Variants in STPG2 observed in about 807,000 individuals in gnomAD.
The protein encoded by STPG2 is sperm tail PG-rich repeat containing 2.
A neutral mutation model predicts 54.2 loss-of-function variants in STPG2; 56 were observed. The observed-to-expected ratio is 1.03, with a 90% CI of 0.83 to 1.29. STPG2 has a LOEUF of 1.29. Ranked by LOEUF, STPG2 falls within the 50% of genes most tolerant of loss-of-function variation. The probability of loss-of-function intolerance (pLI) is 0.00; values close to 1 mark genes in which losing one functional copy is unlikely to be tolerated. For synonymous variants in STPG2, 200 were observed against 181.8 expected, an observed-to-expected ratio of 1.10 and a Z score of -0.81; for missense variants, 596 against 544.9, an observed-to-expected ratio of 1.09 and a Z score of -0.93.
At chr4:97,883,670 G>A (rs1730460522) in intron 8 of STPG2, among the ~76,000 whole-genome samples, 1 of 152,014 alleles carries the variant, frequency 6.6e-6, no homozygotes, top group Admixed American at 6.6e-5. Flanking sequence ...AAGAATCACT[G>A]CATTAAAGAT....
At chr4:97,997,878 G>A (rs28512427) in intron 5 of STPG2, among the ~76,000 whole-genome samples, 61,417 of 151,870 alleles carry the variant, frequency 0.4, 12,632 homozygotes, top group African/African-American at 0.48. Flanking sequence ...CCTGTGAAAC[G>A]CAATTTACCT....
chr4:97,570,588 C>A (rs1732574798), intron 10 of STPG2, among the ~76,000 whole-genome samples: 1 of 151,886 alleles, frequency 6.6e-6, no homozygotes, highest in Non-Finnish European at 1.5e-5. Flanking sequence ...CCCCCACTCC[C>A]ACTGCTACCA....
intron 10 of STPG2, among the ~76,000 whole-genome samples, chr4:97,615,349 C>T (rs1037308318): frequency 1.3e-5 from 2 of 151,962 alleles, no homozygotes; most frequent in African/African-American, 4.8e-5. Flanking sequence ...TTGAAAACCC[C>T]TCATATGTAG....
At chr4:97,741,339 C>T (rs951546336) in intron 9 of STPG2, among the ~76,000 whole-genome samples, 2 of 152,068 alleles carry the variant, frequency 1.3e-5, no homozygotes, top group African/African-American at 2.4e-5. Context: ...AAAGCAATGG[C>T]AACAAAAGCC....
At chr4:98,123,159 A>AT (rs1213022069) in intron 3 of STPG2, among the ~76,000 whole-genome samples, 1 of 151,938 alleles carries the variant, frequency 6.6e-6, no homozygotes, top group Non-Finnish European at 1.5e-5. Flanking sequence ...GGGTTCATTG[A>AT]TTTTTTGAAG....
intron 8 of STPG2, among the ~76,000 whole-genome samples, chr4:97,853,903 T>C (rs2149133673): frequency 6.6e-6 from 1 of 152,302 alleles, no homozygotes; most frequent in Non-Finnish European, 1.5e-5. Flanking sequence ...CGCCTCAGCC[T>C]CCTGAGTAGC....
intron 10 of STPG2, among the ~76,000 whole-genome samples, chr4:97,636,133 C>G (rs1361101487): frequency 6.6e-6 from 1 of 150,662 alleles, no homozygotes; most frequent in Non-Finnish European, 1.5e-5. Context: ...GACATTATAA[C>G]AAACTATCTC....
intron 9 of STPG2, among the ~76,000 whole-genome samples, chr4:97,796,650 G>C (rs913947206): frequency 6.6e-6 from 1 of 152,120 alleles, no homozygotes; most frequent in Admixed American, 6.5e-5. Flanking sequence ...CTCCAGCTTT[G>C]TTCTTTTGGC....
chr4:97,482,311 T>C (rs1046624067), intron 4 of STPG2, among the ~76,000 whole-genome samples: 1 of 151,142 alleles, frequency 6.6e-6, no homozygotes, highest in African/African-American at 2.4e-5. Flanking sequence ...TAGCAAAAAA[T>C]GATACAAAAA....
At chr4:98,130,514 C>T (rs1415399755) in intron 2 of STPG2, among the ~76,000 whole-genome samples, 1 of 151,954 alleles carries the variant, frequency 6.6e-6, no homozygotes, top group African/African-American at 2.4e-5. Context: ...TTAAAGACAA[C>T]CATTAAGTAG....
chr4:97,622,575 G>A (rs1404607688), intron 10 of STPG2, among the ~76,000 whole-genome samples: 1 of 151,954 alleles, frequency 6.6e-6, no homozygotes, highest in Non-Finnish European at 1.5e-5. Flanking sequence ...TGAAAGATCA[G>A]TACAACAAGA....
At chr4:97,912,244 A>G (rs1398076847) in intron 8 of STPG2, among the ~76,000 whole-genome samples, 1 of 152,236 alleles carries the variant, frequency 6.6e-6, no homozygotes, top group Non-Finnish European at 1.5e-5. Flanking sequence ...TGAAAAGTCA[A>G]AAAACTACAG....
intron 10 of STPG2, among the ~76,000 whole-genome samples, chr4:97,653,359 T>C (rs1459110089): frequency 2.0e-5 from 3 of 151,422 alleles, no homozygotes; most frequent in Non-Finnish European, 4.4e-5. Flanking sequence ...CAATGAACAG[T>C]AGTGGAACAA....
At chr4:97,892,523 A>C (rs990567433) in intron 8 of STPG2, among the ~76,000 whole-genome samples, 1 of 152,172 alleles carries the variant, frequency 6.6e-6, no homozygotes, top group Admixed American at 6.6e-5. Flanking sequence ...AGACCGCATA[A>C]GCTATCAGTT....
intron 8 of STPG2, among the ~76,000 whole-genome samples, chr4:97,931,795 T>G (rs1039357205): frequency 6.6e-6 from 1 of 152,120 alleles, no homozygotes; most frequent in Non-Finnish European, 1.5e-5. Context: ...TCAATTTTTT[T>G]TAATAGTTTC....
intron 5 of STPG2, among the ~76,000 whole-genome samples, chr4:97,986,888 G>T (rs1365360803): frequency 3.3e-5 from 5 of 152,104 alleles, no homozygotes; most frequent in Non-Finnish European, 5.9e-5. Context: ...ACCATTACCT[G>T]GGATTGAGAA....
At chr4:97,453,955 G>A (rs1729445458) in intron 4 of STPG2, among the ~76,000 whole-genome samples, 1 of 152,160 alleles carries the variant, frequency 6.6e-6, no homozygotes, top group East Asian at 1.9e-4. Flanking sequence ...GGAAAGAAAT[G>A]AAACTCTTCC....
At chr4:97,959,042 A>G (rs1733790271) in intron 7 of STPG2, among the ~76,000 whole-genome samples, 2 of 152,196 alleles carry the variant, frequency 1.3e-5, no homozygotes, top group Non-Finnish European at 2.9e-5. Flanking sequence ...CCACAGTAGA[A>G]TAAAACACGA....
chr4:97,791,272 A>C (rs1726983805), intron 9 of STPG2, among the ~76,000 whole-genome samples: 2 of 152,182 alleles, frequency 1.3e-5, no homozygotes, highest in African/African-American at 4.8e-5. Flanking sequence ...CTCTGAAAGC[A>C]TGTACCCTGC....
Sources: gnomAD v4.1 joint callset for allele counts (sites outside exome capture counted in the v4.1 genomes callset) on GRCh38, gnomAD v4.1.1 for gene constraint, MANE v1.5 for transcripts, NCBI Gene and HGNC (gene_info 2026-07-23, HGNC 2026-07-21) for gene names.